PREP: variants seen among roughly 807,000 people sequenced by gnomAD.
PREP encodes the protein prolyl endopeptidase.
PREP carries 29 observed loss-of-function variants against 87.6 expected under a neutral mutation model. The ratio of observed to expected loss-of-function variants is 0.33; its 90% CI spans 0.25 to 0.45. The LOEUF is 0.45. PREP is among the 20% of genes least tolerant of loss of function. The pLI, the probability that PREP is intolerant of heterozygous loss-of-function variation, is 1.00. For missense variants in PREP, 695 were observed against 886.5 expected (o/e 0.78, Z 2.74); for synonymous variants, 337 against 328.6 (o/e 1.03, Z -0.28).
chr6:105,368,931 TCA>T lies in PREP; in HGVS notation c.687_688del (p.Asp230Ter). 1 of 1,614,086 alleles carries T rather than the reference TCA, an allele frequency of 6.2e-7. No individual in the cohort carries two copies. The highest frequency in any genetic ancestry group is 8.5e-7 in the Non-Finnish European group (1 of 1,179,974). ...AGCTCCACCCATCCATTTAGGTTCA[TCA>T]GGAAACTCAGCACACAAAATATCTT... is the stretch of plus-strand genomic sequence containing the variant. On this transcript the variant is annotated frameshift_variant, in exon 6 of 15. Transcript: ENST00000652536. LOFTEE classifies it high-confidence loss of function.
At chr6:105,392,799 A>G (rs754059779) in intron 2 of PREP, among the ~76,000 whole-genome samples, 8 of 151,748 alleles carry the variant, frequency 5.3e-5, no homozygotes, top group Non-Finnish European at 1.0e-4. Context: ...CTGGCCTCGA[A>G]CTCCTGACCT....
At chr6:105,322,704 G>A (rs1407137999) in intron 10 of PREP, 1 of 997,188 alleles carries the variant, frequency 1.0e-6, no homozygotes, top group Admixed American at 5.6e-5. Context: ...CAGGAGGCCA[G>A]TTTGCCAACT....
chr6:105,302,187 G>C (rs1397516135), intron 10 of PREP, among the ~76,000 whole-genome samples: 1 of 152,182 alleles, frequency 6.6e-6, no homozygotes, highest in African/African-American at 2.4e-5. Context: ...CGGAGGCCCA[G>C]AGAAAGCAGC....
intron 2 of PREP, among the ~76,000 whole-genome samples, chr6:105,397,213 G>C (rs1034470154): frequency 4.1e-4 from 58 of 142,922 alleles, no homozygotes; most frequent in African/African-American, 1.3e-3. Context: ...GTATACATAA[G>C]TGACAAGTCC....
At chr6:105,293,692 T>C (rs1053728359) in intron 10 of PREP, among the ~76,000 whole-genome samples, 1 of 152,104 alleles carries the variant, frequency 6.6e-6, no homozygotes, top group East Asian at 1.9e-4. Context: ...AAATATTTTA[T>C]CAAATTCCTC....
intron 7 of PREP, among the ~76,000 whole-genome samples, chr6:105,338,569 T>A (rs1007086853): frequency 6.6e-6 from 1 of 152,178 alleles, no homozygotes; most frequent in Non-Finnish European, 1.5e-5. Context: ...CCATTGAGCA[T>A]GAGCCGAAGC....
chr6:105,325,706 A>G (rs1367481835), intron 9 of PREP, among the ~76,000 whole-genome samples: 1 of 152,228 alleles, frequency 6.6e-6, no homozygotes, highest in Non-Finnish European at 1.5e-5. Flanking sequence ...GTGAATCCCT[A>G]TAATCTAATG....
chr6:105,288,986 T>C (rs2114616267), intron 10 of PREP, 92 bp from the exon 11 acceptor site: 3 of 1,303,166 alleles, frequency 2.3e-6, no homozygotes, highest in South Asian at 1.3e-5. Flanking sequence ...TCTCTCTTCA[T>C]GATGTACAGT....
chr6:105,338,258 CA>C (rs1771530293), intron 7 of PREP, among the ~76,000 whole-genome samples: 1 of 152,164 alleles, frequency 6.6e-6, no homozygotes, highest in South Asian at 2.1e-4. Flanking sequence ...TTCTGCCTGA[CA>C]AGGTCCTGGA....
chr6:105,371,436 G>C (rs1348923634), intron 5 of PREP, among the ~76,000 whole-genome samples: 1 of 143,726 alleles, frequency 7.0e-6, no homozygotes, highest in African/African-American at 2.7e-5. Flanking sequence ...GGGAGGTACA[G>C]GTTGCAGTGA....
At chr6:105,316,854 T>G (rs577681117) in intron 10 of PREP, among the ~76,000 whole-genome samples, 118 of 152,258 alleles carry the variant, frequency 7.7e-4, no homozygotes, top group African/African-American at 2.7e-3. Context: ...TCTAATAGGT[T>G]CTGTAAGGAT....
chr6:105,326,047 G>A (rs1000612836), intron 9 of PREP, among the ~76,000 whole-genome samples: 1 of 152,124 alleles, frequency 6.6e-6, no homozygotes, highest in Non-Finnish European at 1.5e-5. Flanking sequence ...GAAAAGTCAC[G>A]TATGTAAAAA....
At chr6:105,366,849 A>C (rs530335225) in intron 6 of PREP, among the ~76,000 whole-genome samples, 2 of 152,366 alleles carry the variant, frequency 1.3e-5, no homozygotes, top group East Asian at 3.9e-4. Context: ...ATACTGTAAG[A>C]CGACATGTGT....
At chr6:105,362,136 T>C (rs1484778041) in intron 6 of PREP, among the ~76,000 whole-genome samples, 1 of 152,228 alleles carries the variant, frequency 6.6e-6, no homozygotes, top group African/African-American at 2.4e-5. Flanking sequence ...AGTTAGCTGG[T>C]TGTCTGTTTG....
intron 8 of PREP, 114 bp from the exon 9 acceptor site, chr6:105,329,140 CAA>C (rs1194066792): frequency 6.1e-6 from 6 of 982,542 alleles, no homozygotes; most frequent in Non-Finnish European, 9.0e-6. Context: ...ATGAGACTTG[CAA>C]AGTCACTTTT....
intron 10 of PREP, among the ~76,000 whole-genome samples, chr6:105,305,935 G>C (rs1770644935): frequency 6.6e-6 from 1 of 151,488 alleles, no homozygotes; most frequent in Non-Finnish European, 1.5e-5. Flanking sequence ...TCAAACTCCT[G>C]GACTCAAGGG....
chr6:105,289,676 A>G (rs1435492820), intron 10 of PREP, among the ~76,000 whole-genome samples: 3 of 152,236 alleles, frequency 2.0e-5, no homozygotes, highest in African/African-American at 4.8e-5. Flanking sequence ...AAGCCATAGA[A>G]TAAATAAGCC....
chr6:105,396,041 T>C (rs1257593227), intron 2 of PREP, among the ~76,000 whole-genome samples: 2 of 152,202 alleles, frequency 1.3e-5, no homozygotes, highest in Non-Finnish European at 2.9e-5. Context: ...CTCTGTCCCC[T>C]CAGACTTACC....
At chr6:105,343,365 C>T (rs1771712872) in intron 7 of PREP, among the ~76,000 whole-genome samples, 1 of 152,114 alleles carries the variant, frequency 6.6e-6, no homozygotes, top group Non-Finnish European at 1.5e-5. Context: ...ATACCTTATA[C>T]AAAAATTAAT....
Sources: allele counts gnomAD v4.1 joint callset (sites outside exome capture counted in the v4.1 genomes callset), GRCh38; gene constraint gnomAD v4.1.1; transcripts MANE v1.5; gene names NCBI Gene and HGNC (gene_info 2026-07-23, HGNC 2026-07-21).